Variants in KIAA0825 observed in about 807,000 individuals in gnomAD.
The protein encoded by KIAA0825 is KIAA0825.
Under a neutral mutation model 147.6 loss-of-function variants are expected in KIAA0825, and 119 were observed. The ratio of observed to expected loss-of-function variants is 0.81; its 90% CI spans 0.69 to 0.94. KIAA0825 has a LOEUF of 0.94. Ranked by LOEUF, KIAA0825 falls within the 40% of genes least tolerant of loss-of-function variation. The pLI is 0.00. For synonymous variants in KIAA0825, 470 were observed against 518.1 expected, an observed-to-expected ratio of 0.91 and a Z score of 1.26; for missense variants, 1,381 against 1,472.7, an observed-to-expected ratio of 0.94 and a Z score of 1.02.
chr5:94,284,317 C>T (rs1056071961), intron 20 of KIAA0825, among the ~76,000 whole-genome samples: 1 of 152,034 alleles, frequency 6.6e-6, no homozygotes, highest in Non-Finnish European at 1.5e-5. Context: ...GGGTGGTATT[C>T]TTGAGGAAGT....
intron 20 of KIAA0825, 72 bp from the exon 21 acceptor site, chr5:94,154,196 T>C: frequency 1.1e-6 from 1 of 925,246 alleles, no homozygotes; most frequent in Non-Finnish European, 1.7e-6. Flanking sequence ...TAATCAAGTC[T>C]TGAATATGTA....
intron 1 of KIAA0825, among the ~76,000 whole-genome samples, chr5:94,590,910 GA>G (rs1279135829): frequency 6.6e-6 from 1 of 152,108 alleles, no homozygotes; most frequent in Non-Finnish European, 1.5e-5. Flanking sequence ...CAGCAATTAT[GA>G]AAAAGGAGAG....
At chr5:94,615,092 A>AT (rs987594091) in intron 1 of KIAA0825, among the ~76,000 whole-genome samples, 2 of 151,342 alleles carry the variant, frequency 1.3e-5, no homozygotes, top group Admixed American at 6.6e-5. Flanking sequence ...CATGGCTGTG[A>AT]TTTTTTTAAC....
intron 20 of KIAA0825, among the ~76,000 whole-genome samples, chr5:94,307,761 C>G (rs896496306): frequency 6.6e-6 from 1 of 151,758 alleles, no homozygotes; most frequent in African/African-American, 2.4e-5. Context: ...TGGATCCCCA[C>G]AGAATCCTCT....
At chr5:94,270,176 C>T (rs1263256776) in intron 20 of KIAA0825, among the ~76,000 whole-genome samples, 1 of 152,110 alleles carries the variant, frequency 6.6e-6, no homozygotes, top group East Asian at 1.9e-4. Context: ...TGGGGAACTG[C>T]ATTAGCTGAC....
At chr5:94,527,851 T>C (rs1769658163) in intron 3 of KIAA0825, among the ~76,000 whole-genome samples, 1 of 152,024 alleles carries the variant, frequency 6.6e-6, no homozygotes, top group South Asian at 2.1e-4. Flanking sequence ...TATCAGGTAA[T>C]TAATAGGGAA....
At chr5:94,179,328 T>C (rs1180729673) in intron 20 of KIAA0825, among the ~76,000 whole-genome samples, 1 of 152,046 alleles carries the variant, frequency 6.6e-6, no homozygotes, top group Non-Finnish European at 1.5e-5. Flanking sequence ...ATGCAGACTG[T>C]GACAAGGAAT....
intron 5 of KIAA0825, among the ~76,000 whole-genome samples, chr5:94,488,924 C>A (rs1763380394): frequency 6.6e-6 from 1 of 152,044 alleles, no homozygotes; most frequent in Non-Finnish European, 1.5e-5. Flanking sequence ...CAATGAACAC[C>A]AGTTTATCAA....
At chr5:94,427,090 T>C (rs911543935) in intron 14 of KIAA0825, among the ~76,000 whole-genome samples, 3 of 152,206 alleles carry the variant, frequency 2.0e-5, no homozygotes, top group African/African-American at 4.8e-5. Flanking sequence ...TTCATGAATA[T>C]TGGAAGAGTG....
intron 6 of KIAA0825, among the ~76,000 whole-genome samples, chr5:94,479,463 T>C (rs1352540613): frequency 6.6e-6 from 1 of 152,176 alleles, no homozygotes; most frequent in African/African-American, 2.4e-5. Context: ...TATTCCATTG[T>C]ATTGATGTAC....
chr5:94,589,078 G>A (rs533414459), intron 1 of KIAA0825, among the ~76,000 whole-genome samples: 11 of 152,208 alleles, frequency 7.2e-5, no homozygotes, highest in South Asian at 4.1e-4. Context: ...TAAAAGTGCC[G>A]CAAACCAACA....
chr5:94,521,388 T>C (rs1296836674), intron 4 of KIAA0825, among the ~76,000 whole-genome samples: 1 of 151,794 alleles, frequency 6.6e-6, no homozygotes, highest in Admixed American at 6.6e-5. Flanking sequence ...CATACAATAC[T>C]TTAAAATCAT....
intron 5 of KIAA0825, among the ~76,000 whole-genome samples, chr5:94,489,364 G>A (rs1212507344): frequency 1.3e-5 from 2 of 151,978 alleles, no homozygotes; most frequent in Non-Finnish European, 2.9e-5. Context: ...GCGTCTCTAC[G>A]GGACGAAGCC....
intron 20 of KIAA0825, among the ~76,000 whole-genome samples, chr5:94,307,783 CT>C (rs1158711827): frequency 6.6e-6 from 1 of 151,748 alleles, no homozygotes; most frequent in Non-Finnish European, 1.5e-5. Flanking sequence ...TCATTTGGTA[CT>C]TATTCCACCA....
intron 20 of KIAA0825, among the ~76,000 whole-genome samples, chr5:94,268,390 G>GGTGAAGT (rs1048998668): frequency 6.6e-6 from 1 of 152,096 alleles, no homozygotes; most frequent in African/African-American, 2.4e-5. Flanking sequence ...GCTGCTGCAT[G>GGTGAAGT]GTGAAGTGGG....
At chr5:94,339,614 A>G (rs1036451873) in intron 20 of KIAA0825, among the ~76,000 whole-genome samples, 1 of 152,174 alleles carries the variant, frequency 6.6e-6, no homozygotes, top group Non-Finnish European at 1.5e-5. Context: ...ATGTCTCACC[A>G]GGCACTCGGG....
rs369374605 is a variant in KIAA0825 at position 94,471,486 on chromosome 5, C to G, written c.1701G>C (p.Leu567Phe). 2.6e-4 allele frequency: 397 copies of G among 1,551,948 alleles called. No individual in the cohort carries two copies. The highest frequency in any genetic ancestry group is 3.2e-4 in the Non-Finnish European group (371 of 1,147,020). Residue 567 changes from leucine to phenylalanine, a missense_variant, in exon 9 of 21, where the codon TTG becomes TTC. Leu to Phe is a conservative substitution (Grantham distance 22). Coordinates refer to ENST00000682413, the MANE Select transcript of KIAA0825 (RefSeq NM_001145678.3). The part of the protein sequence containing the change: ...VFQHFKRYDN[L>F]MKEMTKKPIF... ...CTCACTTTTTAGTCATTTCCTTCAT[C>G]AAATTATCATATCGCTTGAAATGCT...
In KIAA0825 at chr5:94,454,537, T is replaced by C. The variant is rs188239626; in HGVS notation, c.2247-1468A>G. 2.6e-3 allele frequency among the ~76,000 whole-genome samples: 389 copies of C among 152,324 alleles called. 2 individuals carry two copies. The highest frequency in any genetic ancestry group is 8.9e-3 in the African/African-American group (372 of 41,578). ...CAGATCAAAACAGAAATTCCTTAAA[T>C]AGGCTTCAAAGTCAGGCTGTAATAT... On this transcript the variant is annotated intron_variant, in intron 12 of 20. Transcript: ENST00000682413.
At chr5:94,605,358 T>C (rs1218703068) in intron 1 of KIAA0825, among the ~76,000 whole-genome samples, 1 of 152,102 alleles carries the variant, frequency 6.6e-6, no homozygotes, top group African/African-American at 2.4e-5. Context: ...TGGTATCACT[T>C]CTACTAAAAC....
Sources: gnomAD v4.1 joint callset for allele counts (sites outside exome capture counted in the v4.1 genomes callset) on GRCh38, gnomAD v4.1.1 for gene constraint, MANE v1.5 for transcripts, NCBI Gene and HGNC (gene_info 2026-07-23, HGNC 2026-07-21) for gene names.